WDR7: variants seen among roughly 807,000 people sequenced by gnomAD.
WDR7 encodes the protein WD repeat domain 7.
WDR7 carries 46 observed loss-of-function variants against 169.4 expected under a neutral mutation model. The ratio of observed to expected loss-of-function variants is 0.27; its 90% CI spans 0.21 to 0.35. The LOEUF is 0.35. Among genes scored for constraint, WDR7 ranks in the 10% least tolerant of loss-of-function variants. WDR7 has a pLI of 1.00. For missense variants in WDR7, 1,534 were observed against 1,859.3 expected (o/e 0.83, Z 3.22); for synonymous variants, 612 against 666.8 (o/e 0.92, Z 1.27).
At chr18:56,766,251 G>T (rs750560156) in intron 16 of WDR7, among the ~76,000 whole-genome samples, 1 of 152,012 alleles carries the variant, frequency 6.6e-6, no homozygotes, top group African/African-American at 2.4e-5. Context: ...TCAGTGTAGT[G>T]TTCTTCATGT....
chr18:57,030,317 A>AAAG (rs1279909568), downstream of WDR7: 4 of 152,252 alleles, frequency 2.6e-5, no homozygotes, highest in East Asian at 7.7e-4. Context: ...TAAGAACACA[A>AAAG]AAGCTTGATT....
intron 22 of WDR7, among the ~76,000 whole-genome samples, chr18:56,924,685 G>A (rs891871450): frequency 6.6e-6 from 1 of 152,188 alleles, no homozygotes; most frequent in African/African-American, 2.4e-5. Context: ...AGGATTGATG[G>A]GGCAGGGGGT....
At chr18:56,668,725 C>T (rs1210893968) in intron 1 of WDR7, among the ~76,000 whole-genome samples, 1 of 152,052 alleles carries the variant, frequency 6.6e-6, no homozygotes, top group Non-Finnish European at 1.5e-5. Flanking sequence ...ATTTGCATTG[C>T]ACAATTGCAC....
chr18:56,762,447 A>T (rs930933691), intron 16 of WDR7, among the ~76,000 whole-genome samples: 1 of 151,976 alleles, frequency 6.6e-6, no homozygotes, highest in African/African-American at 2.4e-5. Flanking sequence ...TCTGGGTTCA[A>T]CTTATCTCAT....
At chr18:56,873,230 T>C (rs1483225641) in intron 20 of WDR7, among the ~76,000 whole-genome samples, 3 of 152,210 alleles carry the variant, frequency 2.0e-5, no homozygotes, top group Non-Finnish European at 4.4e-5. Context: ...AATTGCCAGT[T>C]GGGCGGTGTT....
At chr18:56,676,737 G>C (rs1220065935) in intron 2 of WDR7, among the ~76,000 whole-genome samples, 1 of 151,090 alleles carries the variant, frequency 6.6e-6, no homozygotes, top group African/African-American at 2.4e-5. Context: ...TGGGAGACAG[G>C]GTCCCACTTT....
intron 21 of WDR7, among the ~76,000 whole-genome samples, chr18:56,900,062 ATATG>A (rs1417564250): frequency 2.2e-4 from 9 of 40,472 alleles, no homozygotes; most frequent in African/African-American, 7.2e-4. Context: ...ACACATATAT[ATATG>A]TGTGTGTGTG....
intron 26 of WDR7, among the ~76,000 whole-genome samples, chr18:56,994,571 T>C (rs2047870103): frequency 6.6e-6 from 1 of 152,232 alleles, no homozygotes; most frequent in Non-Finnish European, 1.5e-5. Flanking sequence ...CCTAAAGTTT[T>C]CCCTGAAAAA....
chr18:56,742,604 CAT>C (rs1455976916), intron 14 of WDR7, among the ~76,000 whole-genome samples: 1 of 152,150 alleles, frequency 6.6e-6, no homozygotes, highest in Non-Finnish European at 1.5e-5. Context: ...ATGAATAAGA[CAT>C]ATTTACCTTC....
At chr18:56,777,980 C>T (rs2044265231) in intron 17 of WDR7, among the ~76,000 whole-genome samples, 1 of 152,036 alleles carries the variant, frequency 6.6e-6, no homozygotes, top group Non-Finnish European at 1.5e-5. Flanking sequence ...GTGAGAATCA[C>T]CATATGTTAA....
chr18:57,027,466 G>T lies in WDR7; in HGVS notation c.*259G>T. ...CAGGTAGTTTTTCCCTGCCAGAGAT[G>T]GCAGGGGAAAGCCAGTGGTTCCTGG... On this transcript the variant is annotated 3_prime_UTR_variant, in exon 28 of 28. Transcript: ENST00000254442. 1 of 518,502 alleles carries T rather than the reference G, an allele frequency of 1.9e-6. No homozygotes were observed. The highest frequency in any genetic ancestry group is 2.5e-5 in the South Asian group (1 of 39,850). The allele number at this position is 518,502 out of a possible 1,614,324, so 32.1% of individuals were successfully genotyped here. A position where few individuals can be genotyped will look rare whatever the true frequency, so the allele number is the denominator to read the frequency against.
chr18:56,907,353 C>T (rs1403639363), intron 21 of WDR7, among the ~76,000 whole-genome samples: 1 of 152,058 alleles, frequency 6.6e-6, no homozygotes, highest in African/African-American at 2.4e-5. Flanking sequence ...GTTATAATGA[C>T]AATAACTTTG....
chr18:56,862,943 C>T (rs2045828895), intron 20 of WDR7, among the ~76,000 whole-genome samples: 1 of 151,734 alleles, frequency 6.6e-6, no homozygotes, highest in Admixed American at 6.6e-5. Flanking sequence ...TGTGTTACTC[C>T]TATATACTTT....
chr18:56,950,664 G>T (rs1452717014), intron 25 of WDR7, among the ~76,000 whole-genome samples: 1 of 152,122 alleles, frequency 6.6e-6, no homozygotes, highest in Non-Finnish European at 1.5e-5. Flanking sequence ...TGGAGAGAAG[G>T]TAGGCTAGAT....
chr18:56,820,270 T>A (rs1363027402), intron 20 of WDR7, among the ~76,000 whole-genome samples: 2 of 146,604 alleles, frequency 1.4e-5, no homozygotes, highest in East Asian at 4.0e-4. Flanking sequence ...GTCTTACCTC[T>A]TGTTCAATAC....
rs938411092 is a variant in WDR7 at position 56,809,795 on chromosome 18, C to G, written c.3191-6236C>G. 4.6e-5 allele frequency among the ~76,000 whole-genome samples: 7 copies of G among 151,752 alleles called. No individual in the cohort carries two copies. In the East Asian group the frequency reaches 1.2e-3, roughly 25 times the overall value. On this transcript the variant is annotated intron_variant, in intron 19 of 27. Transcript: ENST00000254442. ...TTCTATTGTATGTTTTTTTAACAAG[C>G]TAAGTTTTTGGAAGTATATATATAT...
At chr18:56,789,147 G>C (rs1307242467) in intron 19 of WDR7, among the ~76,000 whole-genome samples, 1 of 152,150 alleles carries the variant, frequency 6.6e-6, no homozygotes, top group Non-Finnish European at 1.5e-5. Context: ...AATAACAATG[G>C]AATTTGTTCT....
chr18:56,744,054 A>G (rs527290565), intron 14 of WDR7, among the ~76,000 whole-genome samples: 28 of 152,180 alleles, frequency 1.8e-4, no homozygotes, highest in South Asian at 8.3e-4. Flanking sequence ...GATCGAGACC[A>G]TGGTGAAACC....
chr18:56,655,298 C>G (rs1314526399), intron 1 of WDR7, among the ~76,000 whole-genome samples: 1 of 152,126 alleles, frequency 6.6e-6, no homozygotes, highest in Non-Finnish European at 1.5e-5. Flanking sequence ...ATTTTATCAC[C>G]TGTGTGGATT....
Sources: allele counts gnomAD v4.1 joint callset (sites outside exome capture counted in the v4.1 genomes callset), GRCh38; gene constraint gnomAD v4.1.1; transcripts MANE v1.5; gene names NCBI Gene and HGNC (gene_info 2026-07-23, HGNC 2026-07-21).